Variants in CNTN4 observed in about 807,000 individuals in gnomAD.
CNTN4 encodes contactin-4.
In CNTN4, 77 loss-of-function variants were observed where a neutral mutation model predicts 122.5. The observed-to-expected ratio is 0.63, with a 90% CI of 0.52 to 0.76. The LOEUF (loss-of-function observed/expected upper bound fraction) is 0.76. Among genes scored for constraint, CNTN4 ranks in the 30% least tolerant of loss-of-function variants. The probability of loss-of-function intolerance (pLI) is 0.00; values close to 1 mark genes in which losing one functional copy is unlikely to be tolerated. For missense variants in CNTN4, 1,256 were observed against 1,259.1 expected (o/e 1.00, Z 0.04); for synonymous variants, 512 against 447.0 (o/e 1.15, Z -1.83).
chr3:2,728,086 A>T (rs1287454943), intron 4 of CNTN4, among the ~76,000 whole-genome samples: 2 of 152,204 alleles, frequency 1.3e-5, no homozygotes, highest in Non-Finnish European at 2.9e-5. Flanking sequence ...TGTCTGTCTT[A>T]TAAATACTAA....
intron 2 of CNTN4, among the ~76,000 whole-genome samples, chr3:2,188,147 C>T (rs2037362577): frequency 2.0e-5 from 3 of 152,126 alleles, no homozygotes; most frequent in Admixed American, 1.3e-4. Context: ...TTTTCTGCAT[C>T]TTCTAAGTAG....
intron 3 of CNTN4, among the ~76,000 whole-genome samples, chr3:2,498,509 CT>C (rs5846186): frequency 0.32 from 49,293 of 151,894 alleles, 9,247 homozygotes; most frequent in Admixed American, 0.46. Flanking sequence ...CAGGATCTCG[CT>C]TTGTCACCCA....
At chr3:2,924,275 T>C (rs942391676) in intron 12 of CNTN4, among the ~76,000 whole-genome samples, 7 of 152,154 alleles carry the variant, frequency 4.6e-5, no homozygotes, top group Non-Finnish European at 8.8e-5. Flanking sequence ...CATTAGCCTA[T>C]GATTTAGGAA....
At chr3:2,119,767 A>G (rs143850580) in intron 2 of CNTN4, among the ~76,000 whole-genome samples, 64 of 147,982 alleles carry the variant, frequency 4.3e-4, no homozygotes, top group African/African-American at 1.5e-3. Flanking sequence ...GGACCAAGCT[A>G]GATCCTATGG....
intron 2 of CNTN4, among the ~76,000 whole-genome samples, chr3:2,258,018 G>T: frequency 6.6e-6 from 1 of 152,134 alleles, no homozygotes; most frequent in East Asian, 1.9e-4. Flanking sequence ...AGCTGAGATC[G>T]CACCATTGCA....
At chr3:2,896,271 C>G (rs1471052010) in intron 10 of CNTN4, among the ~76,000 whole-genome samples, 1 of 151,972 alleles carries the variant, frequency 6.6e-6, no homozygotes, top group East Asian at 1.9e-4. Flanking sequence ...TAATACAAAG[C>G]AAGGCTGCAG....
intron 2 of CNTN4, among the ~76,000 whole-genome samples, chr3:2,171,645 A>G (rs1230092443): frequency 6.6e-6 from 1 of 152,226 alleles, no homozygotes; most frequent in African/African-American, 2.4e-5. Flanking sequence ...CAATTCTTAG[A>G]GATATTCTGA....
intron 4 of CNTN4, among the ~76,000 whole-genome samples, chr3:2,735,150 C>G (rs2088988782): frequency 6.6e-6 from 1 of 152,004 alleles, no homozygotes; most frequent in Admixed American, 6.6e-5. Flanking sequence ...GTTAGGTGCA[C>G]TTAGTAGAAA....
chr3:2,264,043 C>T (rs1224496357), intron 2 of CNTN4, among the ~76,000 whole-genome samples: 1 of 152,102 alleles, frequency 6.6e-6, no homozygotes, highest in East Asian at 1.9e-4. Flanking sequence ...AATTCCATAT[C>T]TTGGCTATTA....
chr3:2,631,455 A>G (rs1456289621), intron 4 of CNTN4, among the ~76,000 whole-genome samples: 1 of 152,114 alleles, frequency 6.6e-6, no homozygotes, highest in Non-Finnish European at 1.5e-5. Context: ...ACCCCTTAAG[A>G]GTTACCATGT....
intron 10 of CNTN4, among the ~76,000 whole-genome samples, chr3:2,894,183 A>G (rs1214267524): frequency 1.3e-5 from 2 of 152,336 alleles, no homozygotes; most frequent in East Asian, 3.9e-4. Context: ...TTCTGTATTC[A>G]GTCTGTCATG....
In CNTN4 at chr3:2,390,215, A is replaced by AGTGTGTGTGTGTGTGTGTGTGT. The variant is rs142190283; in HGVS notation, c.-89+50997_-89+51018dup. Among the ~76,000 whole-genome samples the AGTGTGTGTGTGTGTGTGTGTGT allele has an allele frequency of 6.9e-5, 10 of 144,770 alleles. 1 individual carries two copies. Among genetic ancestry groups the AGTGTGTGTGTGTGTGTGTGTGT allele is most frequent in the African/African-American group, 2.6e-4 (10 of 39,010 alleles). The allele number at this position is 144,770 out of a possible 152,430, so 95.0% of individuals were successfully genotyped here. A position where few individuals can be genotyped will look rare whatever the true frequency, so the allele number is the denominator to read the frequency against. Reference sequence around the variant, plus strand: ...ACTGTCAATGGGTTTAGGAAAAAAGAGTGTGTGTGTGTGTGTGTGTGTGTG... The same window carrying AGTGTGTGTGTGTGTGTGTGTGT: ...ACTGTCAATGGGTTTAGGAAAAAAGAGTGTGTGTGTGTGTGTGTGTGTGTGTGTGTGTGTGTGTGTGTGTGTG... On this transcript the variant is annotated intron_variant, in intron 3 of 24. Coordinates refer to ENST00000418658, the MANE Select transcript of CNTN4 (RefSeq NM_175607.3).
intron 4 of CNTN4, among the ~76,000 whole-genome samples, chr3:2,582,655 A>G (rs563372072): frequency 1.1e-3 from 164 of 152,320 alleles, no homozygotes; most frequent in African/African-American, 3.7e-3. Context: ...GGGAGACTTA[A>G]GACTTCTAGA....
intron 4 of CNTN4, among the ~76,000 whole-genome samples, chr3:2,683,427 T>A (rs1260549980): frequency 6.6e-6 from 1 of 150,552 alleles, no homozygotes; most frequent in Non-Finnish European, 1.5e-5. Flanking sequence ...TAGTTTTCAA[T>A]GATAGAATTA....
chr3:2,204,772 G>A (rs1293042669), intron 2 of CNTN4, among the ~76,000 whole-genome samples: 1 of 152,020 alleles, frequency 6.6e-6, no homozygotes, highest in African/African-American at 2.4e-5. Context: ...AGTCAGCTTT[G>A]TCAGAGGAAT....
intron 7 of CNTN4, among the ~76,000 whole-genome samples, chr3:2,821,329 G>A (rs2092866453): frequency 6.6e-6 from 1 of 152,146 alleles, no homozygotes; most frequent in African/African-American, 2.4e-5. Flanking sequence ...CAGGACTCAT[G>A]CCCTTCTCTG....
At chr3:2,698,146 A>C (rs2149241175) in intron 4 of CNTN4, among the ~76,000 whole-genome samples, 1 of 152,328 alleles carries the variant, frequency 6.6e-6, no homozygotes, top group South Asian at 2.1e-4. Context: ...TTATCACAGG[A>C]CTGATGTAGT....
chr3:2,690,575 C>A (rs893684568), intron 4 of CNTN4, among the ~76,000 whole-genome samples: 2 of 152,050 alleles, frequency 1.3e-5, no homozygotes, highest in African/African-American at 4.8e-5. Context: ...TTAACAATAT[C>A]CTCTTTATTT....
At chr3:2,157,445 T>C (rs1028440355) in intron 2 of CNTN4, among the ~76,000 whole-genome samples, 1 of 152,104 alleles carries the variant, frequency 6.6e-6, no homozygotes, top group Non-Finnish European at 1.5e-5. Flanking sequence ...GGAAAAGATA[T>C]CTGGCTTAGG....
Sources: gnomAD v4.1 joint callset for allele counts (sites outside exome capture counted in the v4.1 genomes callset) on GRCh38, gnomAD v4.1.1 for gene constraint, MANE v1.5 for transcripts, NCBI Gene and HGNC (gene_info 2026-07-23, HGNC 2026-07-21) for gene names.